Variants in ZCCHC2 observed in about 807,000 individuals in gnomAD.
The protein encoded by ZCCHC2 is zinc finger CCHC domain-containing protein 2.
Under a neutral mutation model 103.6 loss-of-function variants are expected in ZCCHC2, and 39 were observed. The ratio of observed to expected loss-of-function variants is 0.38; its 90% CI spans 0.29 to 0.49. The LOEUF (loss-of-function observed/expected upper bound fraction) is 0.49. Ranked by LOEUF, ZCCHC2 falls within the 20% of genes least tolerant of loss-of-function variation. ZCCHC2 has a pLI of 0.96. For synonymous variants in ZCCHC2, 687 were observed against 608.9 expected (o/e 1.13, Z -1.89); for missense variants, 1,483 against 1,491.0 (o/e 0.99, Z 0.09).
chr18:62,584,270 G>A (rs551648332), intron 14 of ZCCHC2, among the ~76,000 whole-genome samples: 1 of 152,208 alleles, frequency 6.6e-6, no homozygotes, highest in Non-Finnish European at 1.5e-5. Flanking sequence ...CACATCACAC[G>A]TGTGGGGACC....
chr18:62,554,705 C>T (rs780813961), intron 5 of ZCCHC2, among the ~76,000 whole-genome samples: 3 of 152,198 alleles, frequency 2.0e-5, no homozygotes, highest in Non-Finnish European at 2.9e-5. Context: ...CAGTTGGTTT[C>T]TAACATGACT....
intron 6 of ZCCHC2, among the ~76,000 whole-genome samples, chr18:62,556,574 C>G (rs950159751): frequency 2.0e-5 from 3 of 152,126 alleles, no homozygotes; most frequent in Non-Finnish European, 2.9e-5. Context: ...GAACTGTTCC[C>G]TCACAGGCTG....
intron 7 of ZCCHC2, 37 bp downstream of exon 7, chr18:62,558,807 G>A: frequency 7.4e-7 from 1 of 1,345,218 alleles, no homozygotes; most frequent in East Asian, 2.5e-5. Flanking sequence ...CATTCTGCCT[G>A]CTGATAGCAC....
chr18:62,567,022 G>A (rs986388758), intron 11 of ZCCHC2, among the ~76,000 whole-genome samples: 13 of 151,994 alleles, frequency 8.6e-5, no homozygotes, highest in African/African-American at 2.7e-4. Flanking sequence ...CAACCTCAGC[G>A]TATTTTTCAA....
At chr18:62,568,134 G>A (rs1322525820) in intron 11 of ZCCHC2, among the ~76,000 whole-genome samples, 1 of 151,988 alleles carries the variant, frequency 6.6e-6, no homozygotes, top group Non-Finnish European at 1.5e-5. Flanking sequence ...ATGTGGTTCT[G>A]TTGCCTATGA....
intron 5 of ZCCHC2, among the ~76,000 whole-genome samples, chr18:62,553,479 A>G (rs1915754914): frequency 6.6e-6 from 1 of 151,294 alleles, no homozygotes; most frequent in African/African-American, 2.4e-5. Context: ...TTTTTTTGAG[A>G]CAGGACCTCG....
At position 62,523,690 on chromosome 18, in the gene ZCCHC2, C is replaced by A; in HGVS notation, c.266C>A (p.Ser89Ter). 7.1e-7 allele frequency: 1 copy of A among 1,405,178 alleles called. No individual in the cohort carries two copies. The allele number at this position is 1,405,178 out of a possible 1,614,324, so 87.0% of individuals were successfully genotyped here. ...ATGCCGGGCGGCGGCGGGGGGCCCTCGGCGGCGCTGCGCGAGCAGGAGCGG... is the reference window on the plus strand; with the variant it reads ...ATGCCGGGCGGCGGCGGGGGGCCCTAGGCGGCGCTGCGCGAGCAGGAGCGG... ...AGMPGGGGGP[S>*]AALREQERVY... The change falls in exon 1 of 14, where the codon TCG becomes TAG. Residue 89 changes from serine (S) to a stop codon, truncating the protein, a stop_gained. Transcript: ENST00000269499. LOFTEE classifies it high-confidence loss of function.
At chr18:62,534,072 A>T (rs1914815762) in intron 1 of ZCCHC2, among the ~76,000 whole-genome samples, 1 of 152,096 alleles carries the variant, frequency 6.6e-6, no homozygotes, top group Admixed American at 6.5e-5. Context: ...CAATGGGTGG[A>T]TGCTGACTGG....
chr18:62,534,896 T>A (rs1374632020), intron 1 of ZCCHC2, among the ~76,000 whole-genome samples: 4 of 152,276 alleles, frequency 2.6e-5, no homozygotes, highest in Non-Finnish European at 5.9e-5. Flanking sequence ...CAAGTCCTAA[T>A]GCAGTGTTGG....
At chr18:62,570,667 T>C (rs1470669356) in intron 12 of ZCCHC2, among the ~76,000 whole-genome samples, 1 of 152,244 alleles carries the variant, frequency 6.6e-6, no homozygotes, top group Non-Finnish European at 1.5e-5. Flanking sequence ...CGATCCAGCA[T>C]TCTAGGTACT....
Position 62,526,738 on chromosome 18 carries a change from C to T in ZCCHC2, c.939+2375C>T, listed in dbSNP as rs373140056. Among the ~76,000 whole-genome samples the T allele has an allele frequency of 7.9e-5, 12 of 152,184 alleles. No homozygotes were observed. In the East Asian group the frequency reaches 1.9e-3, roughly 25 times the overall value. On this transcript the variant is annotated intron_variant, in intron 1 of 13. Transcript: ENST00000269499. ...CCGCCTTAGGGGCTCGGAGGTCACGCAACGCCCGGAGCTAGCGCACGGCGA... is the reference window on the plus strand; with the variant it reads ...CCGCCTTAGGGGCTCGGAGGTCACGTAACGCCCGGAGCTAGCGCACGGCGA...
chr18:62,584,678 G>A (rs945167219), exon 15 of ZCCHC2: 1 of 152,230 alleles, frequency 6.6e-6, no homozygotes, highest in Admixed American at 6.5e-5. Context: ...AGCAGCTTGA[G>A]CAAACCCCTC....
rs983992389 is a variant in ZCCHC2, at chr18:62,523,313, C to G, written c.-112C>G. ...GCCCCCGGCCCCGGCCCTCCCCCGG[C>G]GGCATGGAGGGGCCCCGCTCCTGAC... On this transcript the variant is annotated 5_prime_UTR_variant, in exon 1 of 14. Transcript: ENST00000269499. The G allele has an allele frequency of 1.8e-5, 17 of 966,624 alleles. No homozygotes were observed. The highest frequency in any genetic ancestry group is 2.1e-5 in the Non-Finnish European group (17 of 814,404). 59.9% of individuals were successfully genotyped at this position (966,624 alleles called of 1,614,324 possible).
downstream of ZCCHC2, among the ~76,000 whole-genome samples, chr18:62,580,581 ACCCCTCCCG>A (rs2121911630): frequency 1.2e-5 from 1 of 81,162 alleles, no homozygotes; most frequent in Admixed American, 1.2e-4. Context: ...GGCCAGGTGG[ACCCCTCCCG>A]AGACGGTGTC....
intron 1 of ZCCHC2, among the ~76,000 whole-genome samples, chr18:62,535,267 G>T (rs1257397714): frequency 1.3e-5 from 2 of 152,236 alleles, no homozygotes; most frequent in Non-Finnish European, 2.9e-5. Flanking sequence ...GGGGCTGCTG[G>T]CCCAGGGATA....
intron 12 of ZCCHC2, among the ~76,000 whole-genome samples, chr18:62,571,335 T>TGA (rs1916593689): frequency 6.6e-6 from 1 of 152,022 alleles, no homozygotes; most frequent in Non-Finnish European, 1.5e-5. Flanking sequence ...TTTCAGAAAG[T>TGA]GAGGTACAAG....
intron 9 of ZCCHC2, 68 bp downstream of exon 9, chr18:62,563,212 T>C: frequency 6.5e-7 from 1 of 1,538,084 alleles, no homozygotes; most frequent in South Asian, 1.2e-5. Context: ...AAAAATTAAG[T>C]TCTGTAAGCT....
At chr18:62,540,774 A>G (rs1005849781) in intron 2 of ZCCHC2, among the ~76,000 whole-genome samples, 4 of 152,128 alleles carry the variant, frequency 2.6e-5, no homozygotes, top group African/African-American at 9.7e-5. Flanking sequence ...TTGTATTCCT[A>G]CTTCTTAAAA....
rs1917153281 is a variant in ZCCHC2 at position 62,585,709 on chromosome 18, C to G, written c.*1337C>G. On this transcript the variant is annotated 3_prime_UTR_variant and NMD_transcript_variant, in exon 15 of 15. Transcript: ENST00000585873. ...TTGTAGAGTAGTTGCACGATTAAAC[C>G]TGGCACACAGACATAAAGCACTCAA... is the stretch of plus-strand genomic sequence containing the variant. The G allele has an allele frequency of 2.0e-5, 3 of 152,238 alleles. No individual in the cohort carries two copies. In the South Asian group the frequency reaches 6.2e-4, roughly 32 times the overall value. The allele number at this position is 152,238 out of a possible 1,614,324, so 9.4% of individuals were successfully genotyped here.
Sources: allele counts gnomAD v4.1 joint callset (sites outside exome capture counted in the v4.1 genomes callset), GRCh38; gene constraint gnomAD v4.1.1; transcripts MANE v1.5; gene names NCBI Gene and HGNC (gene_info 2026-07-23, HGNC 2026-07-21).